Variants in VANGL1 observed in about 807,000 individuals in gnomAD.
The protein encoded by VANGL1 is VANGL planar cell polarity protein 1.
VANGL1 carries 18 observed loss-of-function variants against 48.4 expected under a neutral mutation model. The observed-to-expected ratio is 0.37, with a 90% CI of 0.26 to 0.55. The LOEUF (loss-of-function observed/expected upper bound fraction) is 0.55, where lower values mean the gene tolerates loss of function less well. VANGL1 is among the 20% of genes least tolerant of loss of function. The pLI is 0.81. For synonymous variants in VANGL1, 257 were observed against 261.8 expected, an observed-to-expected ratio of 0.98 and a Z score of 0.18; for missense variants, 667 against 675.8, an observed-to-expected ratio of 0.99 and a Z score of 0.14.
chr1:115,653,642 T>G (rs1285857091), intron 2 of VANGL1, among the ~76,000 whole-genome samples: 4 of 152,206 alleles, frequency 2.6e-5, no homozygotes, highest in Non-Finnish European at 5.9e-5. Flanking sequence ...CGCTCTGCTA[T>G]TTCCTTAGGC....
In VANGL1 at chr1:115,664,369, G is replaced by A. The variant is rs554378543; in HGVS notation, c.812+101G>A. The A allele has an allele frequency of 2.0e-6, 3 of 1,503,992 alleles. No individual in the cohort carries two copies. In the South Asian group the frequency reaches 3.9e-5, roughly 19 times the overall value. The allele number at this position is 1,503,992 out of a possible 1,614,324, so 93.2% of individuals were successfully genotyped here. On this transcript the variant is annotated intron_variant, in intron 4 of 7. Coordinates refer to ENST00000355485, the MANE Select transcript of VANGL1 (RefSeq NM_138959.3). ...GGGTGGTGACAGATGCCAAGAGCTA[G>A]GACCAGAGTCTGACTCTTTTCTGGT...
chr1:115,649,776 C>CT (rs1349665149), intron 1 of VANGL1, among the ~76,000 whole-genome samples: 1 of 152,192 alleles, frequency 6.6e-6, no homozygotes, highest in Non-Finnish European at 1.5e-5. Flanking sequence ...CTTATATTTT[C>CT]AGATCTACCT....
chr1:115,659,776 A>C lies in VANGL1; in HGVS notation c.204+3A>C. On this transcript the variant is annotated splice_donor_region_variant and intron_variant, in intron 3 of 7. Coordinates refer to ENST00000355485, the MANE Select transcript of VANGL1 (RefSeq NM_138959.3). ...CTACTCGGACAGAGGAAGTTCAGGTAAGGATCAAAGGTGGTCTGTAAGCAC... is the reference window on the plus strand; with the variant it reads ...CTACTCGGACAGAGGAAGTTCAGGTCAGGATCAAAGGTGGTCTGTAAGCAC... The C allele has an allele frequency of 6.2e-7, 1 of 1,614,152 alleles. No individual in the cohort carries two copies. The highest frequency in any genetic ancestry group is 1.1e-5 in the South Asian group (1 of 91,090).
chr1:115,642,098 G>T lies in VANGL1; in HGVS notation c.-138+12G>T, dbSNP rs1373701478. ...CGGCCGGCGCGGAGGTGAGTCCCGC[G>T]AGAGGCCGAGCGCTGCGCGGCGGCG... On this transcript the variant is annotated intron_variant, in intron 1 of 7. Transcript: ENST00000355485. The T allele has an allele frequency of 6.6e-6, 1 of 151,544 alleles. No individual in the cohort carries two copies. Among genetic ancestry groups the T allele is most frequent in the Non-Finnish European group, 1.5e-5 (1 of 67,882 alleles). The allele number at this position is 151,544 out of a possible 1,614,324, so 9.4% of individuals were successfully genotyped here. A position where few individuals can be genotyped will look rare whatever the true frequency, so the allele number is the denominator to read the frequency against.
In VANGL1 at chr1:115,684,083, T is replaced by C. The variant is rs773686303; in HGVS notation, c.1079+7T>C. The C allele has an allele frequency of 1.9e-6, 3 of 1,613,012 alleles. No homozygotes were observed. On this transcript the variant is annotated splice_region_variant and intron_variant, in intron 6 of 7. Transcript: ENST00000355485. ...TAAAGAAGCGGAAAGCAAGGTATAC[T>C]GCCCTCCTGATGCCAGTACCCTCTT...
intron 2 of VANGL1, among the ~76,000 whole-genome samples, chr1:115,656,406 C>G (rs979973188): frequency 6.6e-6 from 1 of 152,190 alleles, no homozygotes; most frequent in Non-Finnish European, 1.5e-5. Flanking sequence ...GTTTCCTTTA[C>G]CACCTGCAGT....
chr1:115,656,336 C>T (rs1188825792), intron 2 of VANGL1, among the ~76,000 whole-genome samples: 3 of 152,220 alleles, frequency 2.0e-5, no homozygotes, highest in Non-Finnish European at 4.4e-5. Flanking sequence ...AAGCAAACTT[C>T]CAAGCAGTCA....
At chr1:115,661,644 G>A (rs1652555255) in intron 3 of VANGL1, among the ~76,000 whole-genome samples, 1 of 152,002 alleles carries the variant, frequency 6.6e-6, no homozygotes, top group Non-Finnish European at 1.5e-5. Flanking sequence ...TTGAGGCAGA[G>A]TCTTGTTCTG....
rs774970658 is a variant in VANGL1, at chr1:115,682,341, T to TA, written c.813-21dup. On this transcript the variant is annotated intron_variant, in intron 4 of 7. Transcript: ENST00000355485. ...CTTCTTCAGTGAAAAAGCTTTGCAT[T>TA]AATTTTGTTCTTTTTTTCTCAGTAT... is the stretch of plus-strand genomic sequence containing the variant. The TA allele has an allele frequency of 1.9e-6, 3 of 1,613,588 alleles. No homozygotes were observed. The South Asian group carries it at 3.3e-5, about 18-fold the overall frequency.
intron 1 of VANGL1, among the ~76,000 whole-genome samples, chr1:115,649,290 TC>T (rs1167325727): frequency 2.6e-5 from 4 of 152,084 alleles, no homozygotes; most frequent in East Asian, 3.9e-4. Flanking sequence ...TACAGCTACC[TC>T]CCCCCACAAA....
Position 115,664,288 on chromosome 1 carries a change from A to T in VANGL1, c.812+20A>T. ...CCTGAGGTAAGAGGCAACATCCAGG[A>T]GGCAGAAAGGATGGCTGATGTCTTG... is the stretch of plus-strand genomic sequence containing the variant. On this transcript the variant is annotated intron_variant, in intron 4 of 7. Coordinates refer to ENST00000355485, the MANE Select transcript of VANGL1 (RefSeq NM_138959.3). 6.2e-7 allele frequency: 1 copy of T among 1,612,024 alleles called. No individual in the cohort carries two copies. The highest frequency in any genetic ancestry group is 8.5e-7 in the Non-Finnish European group (1 of 1,179,620).
At chr1:115,679,026 A>G (rs572133760) in intron 4 of VANGL1, among the ~76,000 whole-genome samples, 1 of 152,164 alleles carries the variant, frequency 6.6e-6, no homozygotes, top group Admixed American at 6.5e-5. Flanking sequence ...TAAGTTGTGC[A>G]CTTGAGTTTT....
chr1:115,659,535 GTGT>G, intron 2 of VANGL1, 103 bp from the exon 3 acceptor site: 1 of 1,238,762 alleles, frequency 8.1e-7, no homozygotes, highest in Non-Finnish European at 1.1e-6. Flanking sequence ...GTGTGTGTGT[GTGT>G]GTATGTAGAA....
intron 7 of VANGL1, among the ~76,000 whole-genome samples, chr1:115,685,952 A>G (rs1653597665): frequency 6.6e-6 from 1 of 152,062 alleles, no homozygotes; most frequent in South Asian, 2.1e-4. Context: ...TAACTATCTC[A>G]TTTGTATGTT....
At chr1:115,642,264 C>T (rs1460611241) in intron 1 of VANGL1, among the ~76,000 whole-genome samples, 178 bp downstream of exon 1, 1 of 151,928 alleles carries the variant, frequency 6.6e-6, no homozygotes, top group Non-Finnish European at 1.5e-5. Flanking sequence ...CCCTCCCCTC[C>T]TCCGGAGCGC....
intron 1 of VANGL1, among the ~76,000 whole-genome samples, chr1:115,649,482 C>G (rs1652067438): frequency 6.6e-6 from 1 of 152,318 alleles, no homozygotes. Flanking sequence ...AGAGACTCTG[C>G]TCTGCTTCTT....
chr1:115,676,093 T>G (rs529093568), intron 4 of VANGL1, among the ~76,000 whole-genome samples: 1 of 152,346 alleles, frequency 6.6e-6, no homozygotes, highest in South Asian at 2.1e-4. Context: ...GCCTTCACTG[T>G]CATTATTTCA....
intron 4 of VANGL1, among the ~76,000 whole-genome samples, chr1:115,678,921 T>C: frequency 6.8e-6 from 1 of 147,642 alleles, no homozygotes; most frequent in African/African-American, 2.5e-5. Context: ...GCCACTGCAC[T>C]CCAGCCTGGG....
At position 115,695,679 on chromosome 1, in the gene VANGL1, C is replaced by T. The variant is rs938130066; in HGVS notation, c.*4300C>T. The T allele has an allele frequency of 6.6e-6, 1 of 152,188 alleles. No individual in the cohort carries two copies. Among genetic ancestry groups the T allele is most frequent in the Non-Finnish European group, 1.5e-5 (1 of 68,038 alleles). The allele number at this position is 152,188 out of a possible 1,614,324, so 9.4% of individuals were successfully genotyped here. On this transcript the variant is annotated 3_prime_UTR_variant, in exon 8 of 8. Transcript: ENST00000355485. ...ATGTCACAGTCCGTGTTCCACCCAG[C>T]CTTGTTATCCCCACATTCTTTCAAG...
Sources: gnomAD v4.1 joint callset for allele counts (sites outside exome capture counted in the v4.1 genomes callset) on GRCh38, gnomAD v4.1.1 for gene constraint, MANE v1.5 for transcripts, NCBI Gene and HGNC (gene_info 2026-07-23, HGNC 2026-07-21) for gene names.